The following RARB variants were observed in gnomAD, a reference collection of about 807,000 sequenced individuals.
RARB encodes retinoic acid receptor beta.
RARB carries 17 observed loss-of-function variants against 51.9 expected under a neutral mutation model. The ratio of observed to expected loss-of-function variants is 0.33; its 90% confidence interval spans 0.22 to 0.49. The LOEUF (loss-of-function observed/expected upper bound fraction) is 0.49. RARB is among the 20% of genes least tolerant of loss of function. The pLI is 0.99. For synonymous variants in RARB, 215 were observed against 195.4 expected, an observed-to-expected ratio of 1.10 and a Z score of -0.84; for missense variants, 369 against 550.8, an observed-to-expected ratio of 0.67 and a Z score of 3.30.
intron 1 of RARB, among the ~76,000 whole-genome samples, chr3:25,453,215 G>C (rs1020594828): frequency 1.4e-5 from 2 of 147,574 alleles, no homozygotes; most frequent in African/African-American, 5.0e-5. Context: ...TTCTGATTCT[G>C]CATTTCTGGG....
intron 2 of RARB, among the ~76,000 whole-genome samples, chr3:24,946,045 C>A (rs980026973): frequency 2.0e-5 from 3 of 151,900 alleles, no homozygotes; most frequent in African/African-American, 7.3e-5. Context: ...GCAGGCAGAT[C>A]ACGAGGTCAG....
intron 3 of RARB, among the ~76,000 whole-genome samples, chr3:25,090,711 G>A (rs1250417047): frequency 6.6e-6 from 1 of 152,016 alleles, no homozygotes; most frequent in Non-Finnish European, 1.5e-5. Context: ...TGGTACTAAG[G>A]AGACAAAAAT....
chr3:25,029,917 T>G (rs1697832920), intron 2 of RARB, among the ~76,000 whole-genome samples: 1 of 152,240 alleles, frequency 6.6e-6, no homozygotes, highest in South Asian at 2.1e-4. Context: ...TGAAAATATC[T>G]GCCTGATGAT....
chr3:25,312,353 T>C (rs1575303616), intron 5 of RARB, among the ~76,000 whole-genome samples: 1 of 134,612 alleles, frequency 7.4e-6, no homozygotes, highest in Non-Finnish European at 1.7e-5. Flanking sequence ...GCAGAATACA[T>C]TTTTTTTTTT....
chr3:25,339,347 A>C (rs982936657), intron 5 of RARB, among the ~76,000 whole-genome samples: 1 of 152,146 alleles, frequency 6.6e-6, no homozygotes, highest in Non-Finnish European at 1.5e-5. Flanking sequence ...TGGCCAGTCA[A>C]ATGTAGCCAG....
chr3:25,203,409 T>C (rs1701447951), intron 5 of RARB, among the ~76,000 whole-genome samples: 1 of 152,238 alleles, frequency 6.6e-6, no homozygotes, highest in African/African-American at 2.4e-5. Flanking sequence ...TGTCTTTTAA[T>C]TGGAGCATTT....
chr3:25,025,087 T>A lies in RARB; in HGVS notation c.-379-35038T>A, dbSNP rs575910989. 8 of 152,208 alleles carry A rather than the reference T, an allele frequency of 5.3e-5. No homozygotes were observed. The South Asian group carries it at 1.7e-3, about 32-fold the overall frequency. 9.4% of individuals were successfully genotyped at this position (152,208 alleles called of 1,614,324 possible). A position where few individuals can be genotyped will look rare whatever the true frequency, so the allele number is the denominator to read the frequency against. ...GGATTGGGCCTGGTTAGTACTTGGA[T>A]GGGAGAAAAATTGGTTAGAGAAATC... On this transcript the variant is annotated intron_variant, in intron 2 of 11. Coordinates refer to the RARB transcript ENST00000383772.
chr3:25,169,813 C>T (rs558581957), intron 4 of RARB, among the ~76,000 whole-genome samples: 20 of 151,988 alleles, frequency 1.3e-4, no homozygotes, highest in African/African-American at 4.3e-4. Context: ...CATAACAAAA[C>T]CACGTCTCTA....
At chr3:24,870,444 T>C (rs1702925278) in intron 2 of RARB, among the ~76,000 whole-genome samples, 1 of 152,130 alleles carries the variant, frequency 6.6e-6, no homozygotes, top group South Asian at 2.1e-4. Flanking sequence ...AATTTCTGTA[T>C]GTATTTTTCT....
intron 2 of RARB, among the ~76,000 whole-genome samples, chr3:25,020,984 T>TCTA (rs1343146499): frequency 6.6e-6 from 1 of 152,026 alleles, no homozygotes; most frequent in African/African-American, 2.4e-5. Flanking sequence ...AATAAATAAA[T>TCTA]AAATATTTTA....
At chr3:25,072,248 C>T (rs1379302754) in intron 3 of RARB, among the ~76,000 whole-genome samples, 1 of 152,120 alleles carries the variant, frequency 6.6e-6, no homozygotes, top group Non-Finnish European at 1.5e-5. Flanking sequence ...TAAAACTGGG[C>T]AGCTTACAAT....
chr3:25,272,422 T>C (rs1703276344), intron 5 of RARB, among the ~76,000 whole-genome samples: 1 of 152,204 alleles, frequency 6.6e-6, no homozygotes, highest in African/African-American at 2.4e-5. Context: ...CTGCCTCCTC[T>C]ATAACAGAGG....
intron 5 of RARB, among the ~76,000 whole-genome samples, chr3:25,288,362 C>G (rs1559345167): frequency 1.3e-5 from 2 of 152,158 alleles, no homozygotes; most frequent in African/African-American, 4.8e-5. Context: ...ATCGCTTCTT[C>G]TCTCCCTAGT....
chr3:25,255,908 TTAA>T (rs1337430402), intron 5 of RARB, among the ~76,000 whole-genome samples: 1 of 152,178 alleles, frequency 6.6e-6, no homozygotes, highest in Non-Finnish European at 1.5e-5. Context: ...ATGAAATGCT[TTAA>T]TAATGTTTAT....
chr3:24,972,625 C>T (rs940263391), intron 2 of RARB, among the ~76,000 whole-genome samples: 3 of 151,886 alleles, frequency 2.0e-5, no homozygotes, highest in African/African-American at 2.4e-5. Context: ...CAAGGGTTCC[C>T]CTTTCTCCAC....
At chr3:24,981,315 G>GT (rs1002247645) in intron 2 of RARB, among the ~76,000 whole-genome samples, 64 of 152,334 alleles carry the variant, frequency 4.2e-4, no homozygotes, top group African/African-American at 1.5e-3. Flanking sequence ...CTGTCAGGCA[G>GT]GGGGGCTTAA....
intron 5 of RARB, among the ~76,000 whole-genome samples, chr3:25,209,845 C>T (rs767341905): frequency 8.5e-5 from 13 of 152,182 alleles, no homozygotes; most frequent in Non-Finnish European, 1.6e-4. Flanking sequence ...GGAAATTTTG[C>T]ACCTGTCTGT....
intron 2 of RARB, among the ~76,000 whole-genome samples, chr3:24,957,021 C>T (rs1696031425): frequency 6.6e-6 from 1 of 152,256 alleles, no homozygotes; most frequent in Non-Finnish European, 1.5e-5. Flanking sequence ...CTCTGTATTT[C>T]GTACCAATCA....
chr3:25,286,155 C>CTCAGCTCACT (rs1207430183), intron 5 of RARB, among the ~76,000 whole-genome samples: 1 of 126,352 alleles, frequency 7.9e-6, no homozygotes, highest in Non-Finnish European at 1.6e-5. Context: ...GTGGCATGAT[C>CTCAGCTCACT]TCAGCTCACT....
Sources: gnomAD v4.1 joint callset for allele counts (sites outside exome capture counted in the v4.1 genomes callset) on GRCh38, gnomAD v4.1.1 for gene constraint, MANE v1.5 for transcripts, NCBI Gene and HGNC (gene_info 2026-07-23, HGNC 2026-07-21) for gene names.